The following TMEM41B variants were observed in gnomAD, a reference collection of about 807,000 sequenced individuals.
TMEM41B encodes transmembrane protein 41B, also known as protein stasimon.
TMEM41B carries 18 observed loss-of-function variants against 31.9 expected under a neutral mutation model. That is an observed-to-expected ratio of 0.56 (90% CI 0.39 to 0.84). TMEM41B has a LOEUF of 0.84. Ranked by LOEUF, TMEM41B falls within the 40% of genes least tolerant of loss-of-function variation. TMEM41B has a pLI of 0.00. For synonymous variants in TMEM41B, 144 were observed against 124.3 expected (o/e 1.16, Z -1.05); for missense variants, 322 against 348.0 (o/e 0.93, Z 0.59).
At chr11:9,286,111 G>A (rs1236328505) in intron 6 of TMEM41B, among the ~76,000 whole-genome samples, 2 of 152,202 alleles carry the variant, frequency 1.3e-5, no homozygotes, top group Non-Finnish European at 2.9e-5. Context: ...CGAGACTCAG[G>A]GAAGAGGAAG....
At chr11:9,289,819 A>G (rs1442567149) in intron 3 of TMEM41B, among the ~76,000 whole-genome samples, 2 of 152,120 alleles carry the variant, frequency 1.3e-5, no homozygotes, top group African/African-American at 2.4e-5. Context: ...TTTTTCTTCT[A>G]CATTACAGGT....
intron 1 of TMEM41B, chr11:9,311,492 TG>T: frequency 7.1e-7 from 1 of 1,415,766 alleles, no homozygotes; most frequent in Non-Finnish European, 9.8e-7. Flanking sequence ...CTGGATACCC[TG>T]GCTGTGGCAC....
intron 3 of TMEM41B, among the ~76,000 whole-genome samples, chr11:9,292,625 G>A (rs940953118): frequency 6.6e-6 from 1 of 152,030 alleles, no homozygotes; most frequent in Non-Finnish European, 1.5e-5. Flanking sequence ...AAGAGTTCCA[G>A]TTCGAGACCA....
At chr11:9,310,886 A>G (rs1339823583) in intron 1 of TMEM41B, among the ~76,000 whole-genome samples, 1 of 152,162 alleles carries the variant, frequency 6.6e-6, no homozygotes, top group Admixed American at 6.6e-5. Context: ...AAATTCCCCA[A>G]GTATGCCAAC....
chr11:9,292,437 T>C (rs1296834329), intron 3 of TMEM41B, among the ~76,000 whole-genome samples: 1 of 152,176 alleles, frequency 6.6e-6, no homozygotes, highest in African/African-American at 2.4e-5. Flanking sequence ...ATAAAATATA[T>C]ACTATGCATT....
At chr11:9,290,094 A>G (rs1017601974) in intron 3 of TMEM41B, among the ~76,000 whole-genome samples, 1 of 152,044 alleles carries the variant, frequency 6.6e-6, no homozygotes, top group Non-Finnish European at 1.5e-5. Flanking sequence ...AGATTGTACT[A>G]TATGGACCGG....
In TMEM41B at chr11:9,302,342, T is replaced by G. The variant is rs1333313639; in HGVS notation, c.122-2641A>C. Among the ~76,000 whole-genome samples, 2 of 100,618 alleles carry G rather than the reference T, an allele frequency of 2.0e-5. 1 individual carries two copies. The highest frequency in any genetic ancestry group is 4.3e-5 in the Non-Finnish European group (2 of 46,818). The allele number at this position is 100,618 out of a possible 152,430, so 66.0% of individuals were successfully genotyped here. ...TCTTGTTTTAACAATCTTCCTTTTTTCCTAGTTTAAACTGATGTCTATTCC... is the reference window on the plus strand; with the variant it reads ...TCTTGTTTTAACAATCTTCCTTTTTGCCTAGTTTAAACTGATGTCTATTCC... On this transcript the variant is annotated intron_variant, in intron 1 of 6. Transcript: ENST00000528080.
chr11:9,289,093 G>T (rs1852898391), intron 3 of TMEM41B, among the ~76,000 whole-genome samples: 2 of 152,278 alleles, frequency 1.3e-5, no homozygotes, highest in South Asian at 4.1e-4. Context: ...AGCCTCAAAT[G>T]CCCAAGCTCA....
chr11:9,281,741 G>C lies in TMEM41B; in HGVS notation c.*1683C>G, dbSNP rs973765778. On this transcript the variant is annotated 3_prime_UTR_variant, in exon 7 of 7. Coordinates refer to ENST00000528080, the MANE Select transcript of TMEM41B (RefSeq NM_015012.4). ...ATGTGATCAGTTAATTTTACTTTGTGAGTTAGATAAAGTAAAGACTAAATT... is the reference window on the plus strand; with the variant it reads ...ATGTGATCAGTTAATTTTACTTTGTCAGTTAGATAAAGTAAAGACTAAATT... 2 of 152,126 alleles carry C rather than the reference G, an allele frequency of 1.3e-5. No homozygotes were observed. The highest frequency in any genetic ancestry group is 4.8e-5 in the African/African-American group (2 of 41,420). The allele number at this position is 152,126 out of a possible 1,614,324, so 9.4% of individuals were successfully genotyped here.
intron 1 of TMEM41B, among the ~76,000 whole-genome samples, chr11:9,300,616 C>T (rs954398277): frequency 5.3e-5 from 8 of 152,126 alleles, no homozygotes; most frequent in African/African-American, 1.7e-4. Context: ...CGGTGGCTCA[C>T]GCCTGTAATC....
chr11:9,286,391 C>T, intron 6 of TMEM41B, 64 bp downstream of exon 6: 1 of 1,496,048 alleles, frequency 6.7e-7, no homozygotes, highest in Non-Finnish European at 9.0e-7. Flanking sequence ...GTAATCTAGC[C>T]CAGCTGGACA....
chr11:9,310,472 A>G (rs749508623), intron 1 of TMEM41B, among the ~76,000 whole-genome samples: 1 of 151,950 alleles, frequency 6.6e-6, no homozygotes, highest in South Asian at 2.1e-4. Context: ...CTTATTATTG[A>G]TTATCCATCA....
intron 3 of TMEM41B, among the ~76,000 whole-genome samples, chr11:9,289,485 T>G (rs1852907136): frequency 6.6e-6 from 1 of 152,136 alleles, no homozygotes; most frequent in Non-Finnish European, 1.5e-5. Flanking sequence ...ACTCATGTTC[T>G]CATTTCAATC....
At chr11:9,283,806 C>T (rs1410111873) in intron 6 of TMEM41B, among the ~76,000 whole-genome samples, 4 of 147,304 alleles carry the variant, frequency 2.7e-5, no homozygotes, top group Admixed American at 2.0e-4. Context: ...TTTTTTGAGA[C>T]GGAGTTTCGC....
intron 2 of TMEM41B, among the ~76,000 whole-genome samples, chr11:9,298,744 T>C (rs1341273227): frequency 6.7e-6 from 1 of 149,084 alleles, no homozygotes; most frequent in Non-Finnish European, 1.5e-5. Flanking sequence ...TACTCCAGCC[T>C]GGGCGATAGA....
intron 1 of TMEM41B, 64 bp from the exon 2 acceptor site, chr11:9,299,765 C>A: frequency 1.7e-6 from 2 of 1,152,876 alleles, no homozygotes; most frequent in Non-Finnish European, 2.6e-6. Flanking sequence ...CAAATAATTT[C>A]TGTACATGCT....
chr11:9,306,272 C>T (rs371146505), intron 1 of TMEM41B, among the ~76,000 whole-genome samples: 1 of 151,858 alleles, frequency 6.6e-6, no homozygotes, highest in Non-Finnish European at 1.5e-5. Flanking sequence ...AGCCACCACG[C>T]CCAGCCAGTA....
intron 1 of TMEM41B, among the ~76,000 whole-genome samples, chr11:9,303,409 G>T (rs1175231940): frequency 6.6e-6 from 1 of 151,948 alleles, no homozygotes; most frequent in African/African-American, 2.4e-5. Context: ...CAAAGTGCAG[G>T]GATTATAGGC....
intron 3 of TMEM41B, among the ~76,000 whole-genome samples, chr11:9,294,774 CTT>C (rs1287438492): frequency 1.3e-5 from 2 of 151,704 alleles, no homozygotes; most frequent in Non-Finnish European, 2.9e-5. Context: ...GAATAAGTAT[CTT>C]AAGAATTTTT....
Sources: allele counts gnomAD v4.1 joint callset (sites outside exome capture counted in the v4.1 genomes callset), GRCh38; gene constraint gnomAD v4.1.1; transcripts MANE v1.5; gene names NCBI Gene and HGNC (gene_info 2026-07-23, HGNC 2026-07-21).